The following PLXDC2 variants were observed in gnomAD, a reference collection of about 807,000 sequenced individuals.
PLXDC2 encodes the protein plexin domain-containing protein 2.
A neutral mutation model predicts 68.9 loss-of-function variants in PLXDC2; 40 were observed. That is an observed-to-expected ratio of 0.58 (90% confidence interval 0.45 to 0.76). The LOEUF (loss-of-function observed/expected upper bound fraction) is 0.76, where lower values mean the gene tolerates loss of function less well. PLXDC2 is among the 30% of genes least tolerant of loss of function. PLXDC2 has a pLI of 0.00. For synonymous variants in PLXDC2, 243 were observed against 234.2 expected (o/e 1.04, Z -0.34); for missense variants, 644 against 661.9 (o/e 0.97, Z 0.30).
chr10:19,854,491 A>G (rs532850347), intron 1 of PLXDC2, among the ~76,000 whole-genome samples: 3 of 152,336 alleles, frequency 2.0e-5, no homozygotes, highest in African/African-American at 7.2e-5. Context: ...AGTAGAGGCC[A>G]GAGATTCTAC....
intron 1 of PLXDC2, among the ~76,000 whole-genome samples, chr10:19,920,776 T>C (rs1833448079): frequency 6.6e-6 from 1 of 152,200 alleles, no homozygotes; most frequent in Admixed American, 6.5e-5. Context: ...CAGGCTGTTT[T>C]TGAACTCCTG....
chr10:19,964,070 A>G (rs1386069048), intron 1 of PLXDC2, among the ~76,000 whole-genome samples: 1 of 152,216 alleles, frequency 6.6e-6, no homozygotes, highest in Non-Finnish European at 1.5e-5. Flanking sequence ...GTTATAAGCA[A>G]TGTTCTGCCA....
At chr10:19,994,255 T>A (rs930544479) in intron 1 of PLXDC2, among the ~76,000 whole-genome samples, 1 of 38,728 alleles carries the variant, frequency 2.6e-5, no homozygotes, top group Non-Finnish European at 5.5e-5. Flanking sequence ...GTATTCTCCT[T>A]TTTTTTTTTT....
At chr10:19,865,257 G>T (rs1018646358) in intron 1 of PLXDC2, among the ~76,000 whole-genome samples, 2 of 152,140 alleles carry the variant, frequency 1.3e-5, no homozygotes, top group Non-Finnish European at 2.9e-5. Context: ...TGCACAAGTG[G>T]CTTCTCTCCT....
chr10:20,159,547 C>T (rs975345780), intron 6 of PLXDC2, among the ~76,000 whole-genome samples: 4 of 152,126 alleles, frequency 2.6e-5, no homozygotes, highest in South Asian at 2.1e-4. Flanking sequence ...GTCTTGATTT[C>T]CCAGCAGCCA....
rs143128742 is a variant in PLXDC2 at position 20,170,667 on chromosome 10, C to T, written c.883+6100C>T. ...CTGTGCTGGTGGGAATGTTGTGAAT[C>T]TGAATCGTATAGTGTGATTTCAGTA... On this transcript the variant is annotated intron_variant, in intron 7 of 13. Coordinates refer to ENST00000377252, the MANE Select transcript of PLXDC2 (RefSeq NM_032812.9). Among the ~76,000 whole-genome samples, 857 of 152,112 alleles carry T rather than the reference C, an allele frequency of 5.6e-3. 12 individuals carry two copies. Among genetic ancestry groups the T allele is most frequent in the African/African-American group, 0.02 (832 of 41,512 alleles).
chr10:20,122,959 G>A (rs1833719465), intron 4 of PLXDC2, among the ~76,000 whole-genome samples: 1 of 152,176 alleles, frequency 6.6e-6, no homozygotes, highest in South Asian at 2.1e-4. Context: ...AGCTGGGCTG[G>A]ATTTTTATAT....
intron 1 of PLXDC2, among the ~76,000 whole-genome samples, chr10:19,854,480 G>A (rs546964000): frequency 2.0e-5 from 3 of 152,276 alleles, no homozygotes; most frequent in East Asian, 3.9e-4. Flanking sequence ...GGTGTCTAGT[G>A]AGTAGAGGCC....
chr10:19,873,779 G>C (rs1837585821), intron 1 of PLXDC2, among the ~76,000 whole-genome samples: 1 of 152,170 alleles, frequency 6.6e-6, no homozygotes, highest in Non-Finnish European at 1.5e-5. Context: ...GTATCACAAA[G>C]ATCTATTTCC....
intron 1 of PLXDC2, among the ~76,000 whole-genome samples, chr10:19,832,615 A>T (rs1226881121): frequency 1.3e-5 from 2 of 152,322 alleles, no homozygotes; most frequent in East Asian, 3.9e-4. Flanking sequence ...TTCAGTTGGA[A>T]GATGTTTCTA....
At chr10:19,964,235 T>A (rs1017334879) in intron 1 of PLXDC2, among the ~76,000 whole-genome samples, 2 of 152,108 alleles carry the variant, frequency 1.3e-5, no homozygotes, top group South Asian at 2.1e-4. Flanking sequence ...TGCAGACCAT[T>A]GATTCTGGGG....
At chr10:20,249,512 A>G (rs1433802546) in intron 13 of PLXDC2, among the ~76,000 whole-genome samples, 1 of 152,006 alleles carries the variant, frequency 6.6e-6, no homozygotes, top group African/African-American at 2.4e-5. Context: ...TCCTTGGCTC[A>G]TGGTTTCTTC....
At chr10:20,097,037 G>A (rs1833358865) in intron 4 of PLXDC2, among the ~76,000 whole-genome samples, 1 of 152,124 alleles carries the variant, frequency 6.6e-6, no homozygotes, top group South Asian at 2.1e-4. Flanking sequence ...TCGGATACTC[G>A]GCAGATTGTT....
intron 1 of PLXDC2, among the ~76,000 whole-genome samples, chr10:19,997,333 C>T (rs1297102778): frequency 1.3e-5 from 2 of 152,180 alleles, no homozygotes; most frequent in South Asian, 2.1e-4. Context: ...ATATTTTCAT[C>T]TAGTCTCAAA....
At chr10:19,840,408 C>A (rs1201834410) in intron 1 of PLXDC2, among the ~76,000 whole-genome samples, 1 of 151,944 alleles carries the variant, frequency 6.6e-6, no homozygotes, top group East Asian at 1.9e-4. Context: ...ACAAATATAA[C>A]CCAGGAAGTT....
intron 2 of PLXDC2, among the ~76,000 whole-genome samples, chr10:20,044,122 T>TCCTTCCTCCCTCCCTCCCTCCCTC (rs71388894): frequency 1.0e-5 from 1 of 99,738 alleles, no homozygotes; most frequent in African/African-American, 4.1e-5. Context: ...CTTCCTTCCT[T>TCCTTCCTCCCTCCCTCCCTCCCTC]CCTCCCTCCC....
intron 1 of PLXDC2, among the ~76,000 whole-genome samples, chr10:19,901,274 C>A (rs990650711): frequency 5.9e-5 from 9 of 152,074 alleles, no homozygotes; most frequent in Admixed American, 5.9e-4. Flanking sequence ...AGTGGTTATA[C>A]TAGTTTACAT....
intron 1 of PLXDC2, among the ~76,000 whole-genome samples, chr10:19,846,243 G>GT (rs1837008073): frequency 6.6e-6 from 1 of 152,266 alleles, no homozygotes; most frequent in East Asian, 1.9e-4. Flanking sequence ...CAGGAAAGCT[G>GT]TTTTTAGGGG....
chr10:19,847,847 A>G (rs1477729183), intron 1 of PLXDC2, among the ~76,000 whole-genome samples: 1 of 152,198 alleles, frequency 6.6e-6, no homozygotes, highest in East Asian at 1.9e-4. Flanking sequence ...ACAGTGATAT[A>G]CTGTACTGGG....
Sources: gnomAD v4.1 joint callset for allele counts (sites outside exome capture counted in the v4.1 genomes callset) on GRCh38, gnomAD v4.1.1 for gene constraint, MANE v1.5 for transcripts, NCBI Gene and HGNC (gene_info 2026-07-23, HGNC 2026-07-21) for gene names.